Variants in ATG14 observed in about 807,000 individuals in gnomAD.
ATG14 encodes the protein beclin 1-associated autophagy-related key regulator.
ATG14 carries 35 observed loss-of-function variants against 60.4 expected under a neutral mutation model. The observed-to-expected ratio is 0.58, with a 90% confidence interval of 0.44 to 0.77. The LOEUF (loss-of-function observed/expected upper bound fraction) is 0.77, where lower values mean the gene tolerates loss of function less well. Among genes scored for constraint, ATG14 ranks in the 30% least tolerant of loss-of-function variants. The probability of loss-of-function intolerance (pLI) is 0.00; values close to 1 mark genes in which losing one functional copy is unlikely to be tolerated. For missense variants in ATG14, 647 were observed against 626.3 expected, an observed-to-expected ratio of 1.03 and a Z score of -0.35; for synonymous variants, 234 against 228.8, an observed-to-expected ratio of 1.02 and a Z score of -0.21.
intron 3 of ATG14, chr14:55,395,172 G>C (rs17742886): frequency 6.4e-5 from 29 of 453,306 alleles, no homozygotes; most frequent in Non-Finnish European, 1.8e-5. Context: ...TAAGCGTGCC[G>C]ATCTCCTCTT....
rs547519289 is a variant in ATG14 at position 55,386,231 on chromosome 14, C to G, written c.410-135G>C. 121 of 705,374 alleles carry G rather than the reference C, an allele frequency of 1.7e-4. No individual in the cohort carries two copies. The Admixed American group carries it at 1.8e-3, about 10-fold the overall frequency. 43.7% of individuals were successfully genotyped at this position (705,374 alleles called of 1,614,324 possible). A position where few individuals can be genotyped will look rare whatever the true frequency, so the allele number is the denominator to read the frequency against. ...CAAAACCTGAATAATATAATGTTCA[C>G]TAAGTGGAAAATTTGAGAGTTTAGT... On this transcript the variant is annotated intron_variant, in intron 4 of 9. Transcript: ENST00000247178.
At chr14:55,406,129 CTAAT>C (rs1885487482) in intron 1 of ATG14, among the ~76,000 whole-genome samples, 1 of 152,176 alleles carries the variant, frequency 6.6e-6, no homozygotes, top group African/African-American at 2.4e-5. Context: ...GTCAAAGGAA[CTAAT>C]TAATGTGAGA....
At chr14:55,391,015 A>G (rs1213553505) in intron 3 of ATG14, 23 bp from the exon 4 acceptor site, 1 of 1,551,604 alleles carries the variant, frequency 6.4e-7, no homozygotes, top group Non-Finnish European at 8.8e-7. Context: ...TGTAATAAAT[A>G]TCACAAACGT....
At chr14:55,400,533 G>T (rs1297891703) in intron 1 of ATG14, among the ~76,000 whole-genome samples, 1 of 152,262 alleles carries the variant, frequency 6.6e-6, no homozygotes, top group South Asian at 2.1e-4. Flanking sequence ...TTTTCACTAT[G>T]ATCAGTAACG....
At chr14:55,389,682 G>A (rs1244835301) in intron 4 of ATG14, among the ~76,000 whole-genome samples, 1 of 152,188 alleles carries the variant, frequency 6.6e-6, no homozygotes, top group Non-Finnish European at 1.5e-5. Context: ...CATGCTCTTT[G>A]AGTCTGAAGT....
intron 1 of ATG14, among the ~76,000 whole-genome samples, chr14:55,402,968 T>C (rs4901558): frequency 3.3e-5 from 2 of 60,988 alleles, no homozygotes; most frequent in East Asian, 9.7e-4. Context: ...TATATATATA[T>C]AAATAGCTGG....
At position 55,378,867 on chromosome 14, in the gene ATG14, A is replaced by C. The variant is rs199725917; in HGVS notation, c.996-793T>G. ...ACTATAGGTGTGTGTCACCACATCC[A>C]GCTAATTTTTTTTTATTTTTAGTAG... On this transcript the variant is annotated intron_variant, in intron 7 of 9. Transcript: ENST00000247178. 4.0e-4 allele frequency among the ~76,000 whole-genome samples: 61 copies of C among 152,044 alleles called. No homozygotes were observed. The East Asian group carries it at 0.012, about 29-fold the overall frequency.
chr14:55,405,399 T>C (rs1444847024), intron 1 of ATG14, among the ~76,000 whole-genome samples: 3 of 152,224 alleles, frequency 2.0e-5, no homozygotes, highest in African/African-American at 7.2e-5. Flanking sequence ...AAAAGTATAA[T>C]CATATATTCT....
intron 3 of ATG14, 48 bp downstream of exon 3, chr14:55,395,892 C>A: frequency 7.2e-7 from 1 of 1,381,130 alleles, no homozygotes; most frequent in Non-Finnish European, 9.7e-7. Context: ...GCTCTACCAA[C>A]TTAAAAACAT....
intron 1 of ATG14, among the ~76,000 whole-genome samples, chr14:55,408,747 G>A (rs1157478760): frequency 2.0e-5 from 3 of 152,080 alleles, no homozygotes; most frequent in South Asian, 2.1e-4. Context: ...CTCCAGCCTC[G>A]GTGACAGAGC....
intron 5 of ATG14, among the ~76,000 whole-genome samples, chr14:55,383,412 G>T (rs557366467): frequency 6.6e-6 from 1 of 152,082 alleles, no homozygotes; most frequent in East Asian, 1.9e-4. Flanking sequence ...TAAGCTGGGC[G>T]TGGTGGTGGG....
At chr14:55,370,978 C>T (rs1268746006) in intron 9 of ATG14, among the ~76,000 whole-genome samples, 4 of 152,126 alleles carry the variant, frequency 2.6e-5, no homozygotes. Flanking sequence ...TTCAAATGCC[C>T]CTCAGCTCCT....
chr14:55,370,664 C>T (rs1449147164), intron 9 of ATG14, among the ~76,000 whole-genome samples: 1 of 151,584 alleles, frequency 6.6e-6, no homozygotes, highest in Non-Finnish European at 1.5e-5. Context: ...TTTATTTAGA[C>T]AGAGTCTCGT....
chr14:55,401,546 A>C (rs909602061), intron 1 of ATG14, among the ~76,000 whole-genome samples: 1 of 152,212 alleles, frequency 6.6e-6, no homozygotes, highest in African/African-American at 2.4e-5. Flanking sequence ...TATTCACTAA[A>C]TTATTCCATA....
intron 5 of ATG14, among the ~76,000 whole-genome samples, chr14:55,384,259 G>A (rs1006344497): frequency 1.3e-5 from 2 of 152,208 alleles, no homozygotes; most frequent in African/African-American, 2.4e-5. Context: ...CCTCGTGTGT[G>A]TATTTTCTTT....
chr14:55,371,888 T>C (rs994375426), intron 9 of ATG14, among the ~76,000 whole-genome samples: 76 of 152,294 alleles, frequency 5.0e-4, no homozygotes, highest in African/African-American at 1.8e-3. Context: ...GAAGTCAGTA[T>C]TTTGCAAGGG....
intron 1 of ATG14, among the ~76,000 whole-genome samples, chr14:55,410,557 A>G (rs1885555258): frequency 6.6e-6 from 1 of 152,262 alleles, no homozygotes; most frequent in South Asian, 2.1e-4. Flanking sequence ...GAAAGGAAAG[A>G]ACTCCATCCA....
At chr14:55,374,341 A>G (rs983472998) in intron 9 of ATG14, among the ~76,000 whole-genome samples, 1 of 151,976 alleles carries the variant, frequency 6.6e-6, no homozygotes, top group South Asian at 2.1e-4. Context: ...GACTACTTAC[A>G]TTTCTTGTGT....
intron 3 of ATG14, among the ~76,000 whole-genome samples, chr14:55,392,017 CACCAGGG>C (rs1249836495): frequency 6.6e-6 from 1 of 152,130 alleles, no homozygotes; most frequent in African/African-American, 2.4e-5. Context: ...ACTTTTTTGG[CACCAGGG>C]ACCAGTTTTG....
Sources: gnomAD v4.1 joint callset for allele counts (sites outside exome capture counted in the v4.1 genomes callset) on GRCh38, gnomAD v4.1.1 for gene constraint, MANE v1.5 for transcripts, NCBI Gene and HGNC (gene_info 2026-07-23, HGNC 2026-07-21) for gene names.